LRFN5: variants seen among roughly 807,000 people sequenced by gnomAD.
LRFN5 encodes the protein leucine-rich repeat and fibronectin type-III domain-containing protein 5.
In LRFN5, 24 loss-of-function variants were observed where a neutral mutation model predicts 45.6. That is an observed-to-expected ratio of 0.53 (90% CI 0.38 to 0.74). LRFN5 has a LOEUF of 0.74. Ranked by LOEUF, LRFN5 falls within the 30% of genes least tolerant of loss-of-function variation. The pLI is 0.00. For synonymous variants in LRFN5, 340 were observed against 313.8 expected (o/e 1.08, Z -0.88); for missense variants, 776 against 861.5 (o/e 0.90, Z 1.24).
chr14:41,626,173 A>C (rs183873870), intron 1 of LRFN5, among the ~76,000 whole-genome samples: 3 of 152,242 alleles, frequency 2.0e-5, no homozygotes, highest in African/African-American at 7.2e-5. Flanking sequence ...TAGTAATAAA[A>C]AACAAATACA....
At chr14:41,629,798 C>A (rs1033340652) in intron 1 of LRFN5, among the ~76,000 whole-genome samples, 10 of 152,072 alleles carry the variant, frequency 6.6e-5, no homozygotes, top group Non-Finnish European at 5.9e-5. Flanking sequence ...CTGGTGAGAC[C>A]ACAGGGGAGT....
At chr14:41,872,862 C>T (rs750293958) in intron 2 of LRFN5, among the ~76,000 whole-genome samples, 4 of 152,202 alleles carry the variant, frequency 2.6e-5, no homozygotes, top group Non-Finnish European at 5.9e-5. Flanking sequence ...TTCTCATAAA[C>T]ACATAACATG....
intron 1 of LRFN5, among the ~76,000 whole-genome samples, chr14:41,609,475 G>C (rs1793267299): frequency 6.6e-6 from 1 of 151,908 alleles, no homozygotes; most frequent in African/African-American, 2.4e-5. Flanking sequence ...TTCCATGGCC[G>C]GCTGAAGCAG....
At chr14:41,690,606 A>G (rs961389821) in intron 1 of LRFN5, among the ~76,000 whole-genome samples, 7 of 152,184 alleles carry the variant, frequency 4.6e-5, no homozygotes, top group African/African-American at 1.4e-4. Flanking sequence ...AAGGATAAAG[A>G]CCTTCACCAA....
chr14:41,664,340 A>G (rs1417069037), intron 1 of LRFN5, among the ~76,000 whole-genome samples: 1 of 151,676 alleles, frequency 6.6e-6, no homozygotes, highest in East Asian at 1.9e-4. Flanking sequence ...GCTTATATCA[A>G]TTTTCAGTTG....
intron 2 of LRFN5, among the ~76,000 whole-genome samples, chr14:41,778,937 G>A (rs1034064330): frequency 2.6e-5 from 4 of 151,694 alleles, no homozygotes; most frequent in South Asian, 2.1e-4. Context: ...GTAGACAGAC[G>A]TGTCATCTGT....
At chr14:41,806,984 G>T (rs1887547500) in intron 2 of LRFN5, among the ~76,000 whole-genome samples, 2 of 152,072 alleles carry the variant, frequency 1.3e-5, no homozygotes, top group Non-Finnish European at 2.9e-5. Context: ...TGCTACTCTA[G>T]AGAAGTAACT....
intron 1 of LRFN5, among the ~76,000 whole-genome samples, chr14:41,669,894 C>T (rs1005627978): frequency 6.7e-6 from 1 of 149,992 alleles, no homozygotes; most frequent in Non-Finnish European, 1.5e-5. Flanking sequence ...TAGAGAAATT[C>T]ACTATTTGGA....
chr14:41,667,308 A>G (rs1349292263), intron 1 of LRFN5, among the ~76,000 whole-genome samples: 1 of 152,168 alleles, frequency 6.6e-6, no homozygotes, highest in Non-Finnish European at 1.5e-5. Context: ...TCAATTCTTG[A>G]TAAAACCTGA....
At chr14:41,758,813 A>C (rs540413914) in intron 1 of LRFN5, among the ~76,000 whole-genome samples, 1 of 152,192 alleles carries the variant, frequency 6.6e-6, no homozygotes, top group East Asian at 1.9e-4. Flanking sequence ...CTCTATCGAA[A>C]TAATTTCTAA....
intron 1 of LRFN5, among the ~76,000 whole-genome samples, chr14:41,674,086 A>G (rs549340067): frequency 7.0e-6 from 1 of 143,784 alleles, no homozygotes; most frequent in Non-Finnish European, 1.5e-5. Context: ...TGACCCCCCC[A>G]CCTCCCTCCT....
chr14:41,796,245 A>ATAAT (rs1167084833), intron 2 of LRFN5, among the ~76,000 whole-genome samples: 1 of 152,004 alleles, frequency 6.6e-6, no homozygotes, highest in Admixed American at 6.6e-5. Flanking sequence ...TTGCTTAATG[A>ATAAT]TAATAGTAAT....
Position 41,805,557 on chromosome 14 carries a change from C to CCT in LRFN5, c.-21+38529_-21+38530insTC, listed in dbSNP as rs1384912635. Among the ~76,000 whole-genome samples the CCT allele has an allele frequency of 3.4e-5, 5 of 146,630 alleles. 1 individual carries two copies. The Admixed American group carries it at 3.5e-4, about 10-fold the overall frequency. On this transcript the variant is annotated intron_variant, in intron 2 of 5. Transcript: ENST00000298119. ...ATCTCCCAATGCTATCCCTCCACCC[C>CCT]CCCCACCCCACAGCAGTACCCAGAG...
intron 1 of LRFN5, among the ~76,000 whole-genome samples, chr14:41,625,310 G>A (rs1204131771): frequency 6.6e-6 from 1 of 152,070 alleles, no homozygotes; most frequent in East Asian, 1.9e-4. Flanking sequence ...CCCCTATGCT[G>A]TTCTTGTGAT....
chr14:41,647,201 G>C (rs1027501084), intron 1 of LRFN5, among the ~76,000 whole-genome samples: 1 of 151,994 alleles, frequency 6.6e-6, no homozygotes, highest in Admixed American at 6.6e-5. Flanking sequence ...CATAGATTTT[G>C]ATTCTGCATA....
intron 1 of LRFN5, chr14:41,742,949 T>G (rs1407735511): frequency 6.4e-6 from 1 of 155,786 alleles, no homozygotes; most frequent in Non-Finnish European, 1.4e-5. Context: ...TGACATGGAA[T>G]TGCTCAACTT....
rs142668290 is a variant in LRFN5, at chr14:41,717,216, A to G, written c.-196-49638A>G. 9.9e-3 allele frequency among the ~76,000 whole-genome samples: 1,504 copies of G among 152,144 alleles called. 8 individuals are homozygous for G. The highest frequency in any genetic ancestry group is 0.015 in the East Asian group (79 of 5,168). ...TATGGACGTCGTGGTTGCCCTCCCA[A>G]CTCCACACTCAACCTCTATTACATC... On this transcript the variant is annotated intron_variant, in intron 1 of 5. Coordinates refer to ENST00000298119, the MANE Select transcript of LRFN5 (RefSeq NM_152447.5).
chr14:41,823,701 A>T (rs2139018714), intron 2 of LRFN5, among the ~76,000 whole-genome samples: 1 of 152,258 alleles, frequency 6.6e-6, no homozygotes, highest in East Asian at 1.9e-4. Flanking sequence ...TGGCAGCACT[A>T]GTGAATTTTT....
intron 1 of LRFN5, among the ~76,000 whole-genome samples, chr14:41,736,544 T>A (rs1884439107): frequency 6.6e-6 from 1 of 152,154 alleles, no homozygotes; most frequent in Non-Finnish European, 1.5e-5. Context: ...ATTCTACACA[T>A]TGCCTGTTCA....
Sources: allele counts gnomAD v4.1 joint callset (sites outside exome capture counted in the v4.1 genomes callset), GRCh38; gene constraint gnomAD v4.1.1; transcripts MANE v1.5; gene names NCBI Gene and HGNC (gene_info 2026-07-23, HGNC 2026-07-21).